Variants in AKAP12 observed in about 807,000 individuals in gnomAD.
AKAP12 encodes the protein A-kinase anchor protein 12.
A neutral mutation model predicts 79.9 loss-of-function variants in AKAP12; 32 were observed. The ratio of observed to expected loss-of-function variants is 0.40; its 90% CI spans 0.30 to 0.54. The LOEUF (loss-of-function observed/expected upper bound fraction) is 0.54, where lower values mean the gene tolerates loss of function less well. Among genes scored for constraint, AKAP12 ranks in the 20% least tolerant of loss-of-function variants. The pLI is 0.48. For synonymous variants in AKAP12, 808 were observed against 857.0 expected (o/e 0.94, Z 1.00); for missense variants, 2,074 against 2,177.0 (o/e 0.95, Z 0.94).
intron 3 of AKAP12, among the ~76,000 whole-genome samples, chr6:151,344,735 T>C (rs961915205): frequency 2.6e-5 from 4 of 152,244 alleles, no homozygotes; most frequent in African/African-American, 7.2e-5. Context: ...GGTTTCACCA[T>C]GTTGGCCAGC....
chr6:151,294,960 A>C (rs1776692570), intron 2 of AKAP12, among the ~76,000 whole-genome samples: 1 of 152,180 alleles, frequency 6.6e-6, no homozygotes, highest in South Asian at 2.1e-4. Context: ...TTCAGAATGC[A>C]CATTAAAGAG....
chr6:151,309,480 G>C (rs1244355870), intron 3 of AKAP12, among the ~76,000 whole-genome samples: 2 of 152,156 alleles, frequency 1.3e-5, no homozygotes, highest in Non-Finnish European at 2.9e-5. Flanking sequence ...GACAAAGCTA[G>C]AGGTGAAATT....
At chr6:151,271,738 C>A (rs1444951522) in intron 2 of AKAP12, among the ~76,000 whole-genome samples, 1 of 152,184 alleles carries the variant, frequency 6.6e-6, no homozygotes, top group Admixed American at 6.5e-5. Context: ...CGGCTCACTG[C>A]AACCTCTGCC....
chr6:151,343,851 A>G (rs535889624), intron 3 of AKAP12: 21 of 404,956 alleles, frequency 5.2e-5, no homozygotes, highest in Admixed American at 3.1e-4. Context: ...GGATTTAACT[A>G]TAAACAAATT....
intron 2 of AKAP12, among the ~76,000 whole-genome samples, chr6:151,248,831 T>C (rs1797123368): frequency 6.6e-6 from 1 of 151,852 alleles, no homozygotes; most frequent in Non-Finnish European, 1.5e-5. Context: ...CTATTAAAAA[T>C]ACAAAAATTA....
At position 151,248,187 on chromosome 6, in the gene AKAP12, C is replaced by T. The variant is rs180900647; in HGVS notation, c.162+7463C>T. 3.3e-5 allele frequency among the ~76,000 whole-genome samples: 5 copies of T among 152,046 alleles called. No homozygotes were observed. In the East Asian group the frequency reaches 7.7e-4, roughly 23 times the overall value. ...TGGTGCTATTGAATCACCTAGAGAG[C>T]TTTTCAAAGACACCCCTACACCTCA... On this transcript the variant is annotated intron_variant, in intron 2 of 4. Transcript: ENST00000402676.
intron 3 of AKAP12, among the ~76,000 whole-genome samples, chr6:151,346,919 C>CT (rs780747574): frequency 1.4e-4 from 22 of 152,094 alleles, no homozygotes; most frequent in South Asian, 6.2e-4. Flanking sequence ...GAAGCGCTCC[C>CT]TTCTCCTCAT....
chr6:151,341,727 C>A lies in AKAP12; in HGVS notation c.320-6984C>A, dbSNP rs912033977. 4.7e-6 allele frequency: 6 copies of A among 1,273,264 alleles called. No individual in the cohort carries two copies. In the South Asian group the frequency reaches 6.4e-5, roughly 14 times the overall value. 78.9% of individuals were successfully genotyped at this position (1,273,264 alleles called of 1,614,324 possible). A position where few individuals can be genotyped will look rare whatever the true frequency, so the allele number is the denominator to read the frequency against. On this transcript the variant is annotated intron_variant, in intron 3 of 4. Coordinates refer to ENST00000402676, the MANE Select transcript of AKAP12 (RefSeq NM_005100.4). ...ACCCAAGCGGCAGTTCGCCCCGCAG[C>A]GATGGCGGACACGGAATCCCGAGGG...
At position 151,349,293 on chromosome 6, in the gene AKAP12, C is replaced by G. The variant is rs1368994063; in HGVS notation, c.902C>G (p.Thr301Ser). ...GGATCAACCTTCAAAAAATTCTTCA[C>G]TCAAGGTTGGGCCGGCTGGCGCAAA... Reference protein sequence around the residue: ...ETGSTFKKFFTQGWAGWRKKT... With the variant: ...ETGSTFKKFFSQGWAGWRKKT... The change falls in exon 4 of 5, where the codon ACT becomes AGT. Residue 301 changes from threonine (T) to serine (S), a missense_variant. Coordinates refer to ENST00000402676, the MANE Select transcript of AKAP12 (RefSeq NM_005100.4). The G allele has an allele frequency of 6.2e-7, 1 of 1,613,722 alleles. No homozygotes were observed. Among genetic ancestry groups the G allele is most frequent in the Non-Finnish European group, 8.5e-7 (1 of 1,179,934 alleles).
chr6:151,315,227 C>A (rs1582875701), intron 3 of AKAP12, among the ~76,000 whole-genome samples: 1 of 152,148 alleles, frequency 6.6e-6, no homozygotes, highest in East Asian at 1.9e-4. Context: ...AATTTATAAG[C>A]AACAGAAATT....
At chr6:151,267,648 AAAC>A (rs1238472595) in intron 2 of AKAP12, among the ~76,000 whole-genome samples, 3 of 152,208 alleles carry the variant, frequency 2.0e-5, no homozygotes, top group Admixed American at 6.5e-5. Context: ...TATGTAGAAC[AAAC>A]AACAAGATTT....
intron 2 of AKAP12, among the ~76,000 whole-genome samples, chr6:151,303,692 A>C (rs951345503): frequency 1.3e-4 from 20 of 152,230 alleles, no homozygotes; most frequent in African/African-American, 4.8e-4. Context: ...GGTCTGTACC[A>C]GACCTTTTCC....
In AKAP12 at chr6:151,351,855, A is replaced by G. The variant is rs1226711365; in HGVS notation, c.3464A>G (p.Glu1155Gly). 1.2e-6 allele frequency: 2 copies of G among 1,614,118 alleles called. No individual in the cohort carries two copies. The highest frequency in any genetic ancestry group is 2.2e-5 in the South Asian group (2 of 91,074). Reference sequence around the variant, plus strand: ...GTAAAATCACAGGAGATGGTGATGGAACAGGCTATCCCCCCTGACTCGGTG... The same window carrying G: ...GTAAAATCACAGGAGATGGTGATGGGACAGGCTATCCCCCCTGACTCGGTG... ...AGVKSQEMVM[E>G]QAIPPDSVET... is the part of the protein sequence containing the mutation. The change falls in exon 4 of 5, where the codon GAA becomes GGA. Residue 1155 changes from glutamate (E) to glycine (G), a missense_variant. This residue lies in a region of AKAP12 where 1,428 missense variants were observed against 1,451.0 expected (regional missense o/e 0.98). Coordinates refer to ENST00000402676, the MANE Select transcript of AKAP12 (RefSeq NM_005100.4). This position sits in a 1 kb window ranked among gnomAD's most constrained non-coding sequence, Gnocchi z 4.4.
chr6:151,318,438 T>G (rs781579420), intron 3 of AKAP12, among the ~76,000 whole-genome samples: 30 of 152,240 alleles, frequency 2.0e-4, no homozygotes, highest in Admixed American at 6.5e-4. Flanking sequence ...TTGAGTATGT[T>G]CAAATACCTT....
At position 151,251,102 on chromosome 6, in the gene AKAP12, G is replaced by T. The variant is rs192651361; in HGVS notation, c.162+10378G>T. Among the ~76,000 whole-genome samples the T allele has an allele frequency of 7.7e-3, 1,171 of 152,230 alleles. 59 individuals are homozygous for T. Among genetic ancestry groups the T allele is most frequent in the Admixed American group, 0.07 (1,063 of 15,268 alleles). On this transcript the variant is annotated intron_variant, in intron 2 of 4. Coordinates refer to ENST00000402676, the MANE Select transcript of AKAP12 (RefSeq NM_005100.4). ...GCCATTAGTACTACTGTAAAAAAAA[G>T]AATTTTTGGGAAAGTGTTCTAGGCA...
chr6:151,269,403 G>A (rs72994058), intron 2 of AKAP12, among the ~76,000 whole-genome samples: 21,490 of 152,002 alleles, frequency 0.14, 1,694 homozygotes, highest in Middle Eastern at 0.2. Context: ...AGTGGAAAAG[G>A]AACTTCTTTC....
chr6:151,244,527 GAAAC>G (rs10646561), intron 2 of AKAP12, among the ~76,000 whole-genome samples: 21 of 151,238 alleles, frequency 1.4e-4, no homozygotes, highest in South Asian at 6.3e-4. Context: ...CTGTCTCAAA[GAAAC>G]AAACAAACAA....
chr6:151,275,891 A>G (rs2114717756), intron 2 of AKAP12, among the ~76,000 whole-genome samples: 1 of 152,358 alleles, frequency 6.6e-6, no homozygotes, highest in South Asian at 2.1e-4. Flanking sequence ...AATCAATTGA[A>G]TACCTCGTTG....
At chr6:151,306,415 G>C (rs547837221) in intron 3 of AKAP12, among the ~76,000 whole-genome samples, 2 of 152,288 alleles carry the variant, frequency 1.3e-5, no homozygotes, top group East Asian at 1.9e-4. Flanking sequence ...ACCCATATAG[G>C]GGGTGAGGAA....
Sources: allele counts gnomAD v4.1 joint callset (sites outside exome capture counted in the v4.1 genomes callset), GRCh38; gene constraint gnomAD v4.1.1; regional missense constraint gnomAD v4.1.1; non-coding constraint Gnocchi (gnomAD v3.1); transcripts MANE v1.5; gene names NCBI Gene and HGNC (gene_info 2026-07-23, HGNC 2026-07-21).